The following CAPZB variants were observed in gnomAD, a reference collection of about 807,000 sequenced individuals.
CAPZB encodes the protein F-actin-capping protein subunit beta.
CAPZB carries 2 observed loss-of-function variants against 38.1 expected under a neutral mutation model. That is an observed-to-expected ratio of 0.05 (90% CI 0.02 to 0.17). The LOEUF is 0.17. CAPZB is among the 10% of genes least tolerant of loss of function. CAPZB has a pLI of 1.00. For synonymous variants in CAPZB, 107 were observed against 127.4 expected (o/e 0.84, Z 1.08); for missense variants, 161 against 334.2 (o/e 0.48, Z 4.04).
chr1:19,430,676 C>G (rs540915256), intron 1 of CAPZB, among the ~76,000 whole-genome samples: 4 of 152,290 alleles, frequency 2.6e-5, no homozygotes, highest in South Asian at 4.1e-4. Flanking sequence ...CACCCACCAA[C>G]TTTAGTCACT....
chr1:19,466,131 G>A (rs938633140), intron 1 of CAPZB, among the ~76,000 whole-genome samples: 5 of 152,148 alleles, frequency 3.3e-5, no homozygotes, highest in Admixed American at 2.0e-4. Flanking sequence ...ATCACTGCAC[G>A]CACTTAGGCT....
intron 1 of CAPZB, among the ~76,000 whole-genome samples, chr1:19,471,865 CAAA>C (rs59289947): frequency 1.5e-5 from 2 of 134,486 alleles, no homozygotes; most frequent in African/African-American, 5.9e-5. Flanking sequence ...GACTCCGTCT[CAAA>C]AAAAAAAAAA....
At chr1:19,397,356 G>A (rs546220439) in intron 2 of CAPZB, among the ~76,000 whole-genome samples, 2 of 152,274 alleles carry the variant, frequency 1.3e-5, no homozygotes, top group South Asian at 2.1e-4. Context: ...AGAAGGCAGG[G>A]GTGTTATTAT....
chr1:19,404,020 G>A (rs1452275062), intron 2 of CAPZB, among the ~76,000 whole-genome samples: 1 of 151,424 alleles, frequency 6.6e-6, no homozygotes, highest in Non-Finnish European at 1.5e-5. Flanking sequence ...ATCACTTGAG[G>A]TCGGGAGTTT....
At chr1:19,453,620 T>C (rs143742327) in intron 1 of CAPZB, among the ~76,000 whole-genome samples, 2 of 152,260 alleles carry the variant, frequency 1.3e-5, no homozygotes, top group African/African-American at 4.8e-5. Flanking sequence ...CCCTTCCTTG[T>C]CTTCTCCTCC....
intron 1 of CAPZB, among the ~76,000 whole-genome samples, chr1:19,463,765 C>T (rs1275156751): frequency 1.3e-5 from 2 of 152,220 alleles, no homozygotes; most frequent in African/African-American, 4.8e-5. Context: ...TGCATCTTCT[C>T]ATCTGGAGGT....
intron 1 of CAPZB, among the ~76,000 whole-genome samples, chr1:19,456,646 T>TAAGGATCAGACCATCCCACAACGTGACA (rs1438120873): frequency 2.0e-5 from 3 of 152,156 alleles, no homozygotes; most frequent in Non-Finnish European, 4.4e-5. Context: ...AGCCTGTCTT[T>TAAGGATCAGACCATCCCACAACGTGACA]AAGGATCAGA....
intron 1 of CAPZB, among the ~76,000 whole-genome samples, chr1:19,472,543 G>A (rs946953079): frequency 1.3e-5 from 2 of 151,994 alleles, no homozygotes; most frequent in Non-Finnish European, 2.9e-5. Context: ...AGTCTGCCTG[G>A]ATGTGTGCAG....
At chr1:19,339,867 T>G (rs541040316) in intron 8 of CAPZB, among the ~76,000 whole-genome samples, 8 of 152,186 alleles carry the variant, frequency 5.3e-5, no homozygotes, top group Non-Finnish European at 7.3e-5. Flanking sequence ...GGACAGGTGC[T>G]CATCTCTGCC....
At chr1:19,386,148 A>G (rs1342505591) in intron 2 of CAPZB, among the ~76,000 whole-genome samples, 1 of 152,160 alleles carries the variant, frequency 6.6e-6, no homozygotes, top group East Asian at 1.9e-4. Flanking sequence ...TATCTGCTGC[A>G]AAGAGAGCTT....
rs189089265 is a variant in CAPZB at position 19,360,660 on chromosome 1, G to A, written c.330-3097C>T. ...CTTCCCCTCAGTCCCATCCCTGAGC[G>A]TTTCATTTCTTCCAGAAAAATAAAA... On this transcript the variant is annotated intron_variant, in intron 4 of 8. Transcript: ENST00000264202. Among the ~76,000 whole-genome samples the A allele has an allele frequency of 2.0e-3, 311 of 152,288 alleles. 2 individuals carry two copies. In the South Asian group the frequency reaches 0.026, roughly 13 times the overall value.
At chr1:19,380,616 G>A (rs2094169274) in intron 3 of CAPZB, among the ~76,000 whole-genome samples, 1 of 152,240 alleles carries the variant, frequency 6.6e-6, no homozygotes, top group Non-Finnish European at 1.5e-5. Flanking sequence ...AGACGATGGA[G>A]ATGTTCTAAA....
At chr1:19,396,786 CAAAA>C (rs35949767) in intron 2 of CAPZB, among the ~76,000 whole-genome samples, 14 of 121,422 alleles carry the variant, frequency 1.2e-4, no homozygotes, top group Non-Finnish European at 2.4e-4. Context: ...AATAAAAATA[CAAAA>C]AAAAAAAAAA....
At chr1:19,474,826 T>C (rs1360695590) in intron 1 of CAPZB, among the ~76,000 whole-genome samples, 5 of 152,172 alleles carry the variant, frequency 3.3e-5, no homozygotes, top group African/African-American at 1.2e-4. Flanking sequence ...CTGGCATGCC[T>C]GGGTGGGCCA....
rs58946709 is a variant in CAPZB at position 19,370,211 on chromosome 1, C to A, written c.329+8329G>T. Among the ~76,000 whole-genome samples, 1,498 of 152,334 alleles carry A rather than the reference C, an allele frequency of 9.8e-3. 64 individuals are homozygous for A. In the East Asian group the frequency reaches 0.14, roughly 14 times the overall value. On this transcript the variant is annotated intron_variant, in intron 4 of 8. Coordinates refer to ENST00000264202, the MANE Select transcript of CAPZB (RefSeq NM_004930.5). ...GAATCCCTTCAGGGCGTGGCCCAGG[C>A]GGTTCCCACTGCTCAGGGCACTGTC... is the stretch of plus-strand genomic sequence containing the variant.
At chr1:19,431,350 C>T (rs2094441143) in intron 1 of CAPZB, among the ~76,000 whole-genome samples, 1 of 152,132 alleles carries the variant, frequency 6.6e-6, no homozygotes, top group South Asian at 2.1e-4. Context: ...GCTTCTGGTC[C>T]CAAGCATTTC....
At position 19,356,730 on chromosome 1, in the gene CAPZB, C is replaced by T; in HGVS notation, c.493G>A (p.Ala165Thr). The stretch of plus-strand genomic sequence containing the variant: ...ACCGTGGAGGTCAACTTGTAATGGG[C>T]GGTGCGACCGCTGGATTTCTCCTGG... ...EVQEKSSGRT[A>T]HYKLTSTVML... The change falls in exon 6 of 9, where the codon GCC (alanine) becomes ACC (threonine). Residue 165 changes from alanine (A) to threonine (T), a missense_variant. By Grantham distance (58) the Ala-to-Thr change is moderately conservative (BLOSUM62 0). Transcript: ENST00000264202. The surrounding 1 kb of genome is among the most constrained non-coding windows in gnomAD (Gnocchi z 4.3). 2 of 1,613,584 alleles carry T rather than the reference C, an allele frequency of 1.2e-6. No individual in the cohort carries two copies. The highest frequency in any genetic ancestry group is 1.7e-6 in the Non-Finnish European group (2 of 1,179,544).
intron 1 of CAPZB, among the ~76,000 whole-genome samples, chr1:19,428,306 G>A (rs572503297): frequency 6.6e-6 from 1 of 152,240 alleles, no homozygotes; most frequent in African/African-American, 2.4e-5. Flanking sequence ...GGGAGGCTGA[G>A]GCAGGAGAAT....
chr1:19,419,089 T>C (rs1251122667), intron 2 of CAPZB, among the ~76,000 whole-genome samples: 1 of 152,242 alleles, frequency 6.6e-6, no homozygotes, highest in Non-Finnish European at 1.5e-5. Context: ...AATATGGTGC[T>C]AGTGAATTTG....
Sources: gnomAD v4.1 joint callset for allele counts (sites outside exome capture counted in the v4.1 genomes callset) on GRCh38, gnomAD v4.1.1 for gene constraint, Gnocchi (gnomAD v3.1) non-coding constraint, MANE v1.5 for transcripts, NCBI Gene and HGNC (gene_info 2026-07-23, HGNC 2026-07-21) for gene names.